The following LENG8 variants were observed in gnomAD, a reference collection of about 807,000 sequenced individuals.
LENG8 encodes the protein leukocyte receptor cluster (LRC) member 8.
In LENG8, 28 loss-of-function variants were observed where a neutral mutation model predicts 102.1. That is an observed-to-expected ratio of 0.27 (90% CI 0.20 to 0.38). The LOEUF is 0.38. LENG8 is among the 10% of genes least tolerant of loss of function. The pLI is 1.00. For synonymous variants in LENG8, 531 were observed against 456.7 expected, an observed-to-expected ratio of 1.16 and a Z score of -2.07; for missense variants, 1,022 against 1,113.9, an observed-to-expected ratio of 0.92 and a Z score of 1.17.
intron 11 of LENG8, among the ~76,000 whole-genome samples, chr19:54,457,148 C>T (rs893688945): frequency 5.3e-5 from 8 of 152,378 alleles, no homozygotes; most frequent in African/African-American, 1.9e-4. Context: ...ATCGCTTGAC[C>T]TCTGGGCCGT....
chr19:54,460,014 GTCTGTCATTGACCTCATTGTGTCA>G (rs1360292375), intron 15 of LENG8: 1 of 1,260,276 alleles, frequency 7.9e-7, no homozygotes, highest in African/African-American at 1.5e-5. Context: ...TGGGGCGCCA[GTCTGTCATTGACCTCATTGTGTCA>G]GCACCTTCCC....
intron 15 of LENG8, 170 bp from the exon 16 acceptor site, chr19:54,460,596 G>GCC: frequency 2.2e-6 from 3 of 1,386,748 alleles, no homozygotes; most frequent in Non-Finnish European, 1.9e-6. Flanking sequence ...CCCCCCCCGG[G>GCC]CCCCCCCCGA....
intron 8 of LENG8, 67 bp downstream of exon 8, chr19:54,455,634 T>C (rs905094572): frequency 7.1e-7 from 1 of 1,410,366 alleles, no homozygotes; most frequent in African/African-American, 1.4e-5. Flanking sequence ...GGTATGGAGG[T>C]AGGAGAGTTG....
Position 54,456,198 on chromosome 19 carries a change from C to G in LENG8, c.1257C>G (p.Ser419=). Residue 419 remains serine, a synonymous_variant, in exon 9 of 16, where the codon TCC becomes TCG. Transcript: ENST00000326764. Reference sequence around the variant, plus strand: ...ACAGCTCTTCTTCCAGCACAGACTCCCGCTCCCGCTCCTCCTCCAGGTCCC... The same window carrying G: ...ACAGCTCTTCTTCCAGCACAGACTCGCGCTCCCGCTCCTCCTCCAGGTCCC... ...KDNSSSSSTD[S]RSRSSSRSPT... is the part of the protein sequence containing the mutation. 6.2e-7 allele frequency: 1 copy of G among 1,611,462 alleles called. No individual in the cohort carries two copies. Among genetic ancestry groups the G allele is most frequent in the Non-Finnish European group, 8.5e-7 (1 of 1,178,400 alleles).
intron 1 of LENG8, 159 bp downstream of exon 1, chr19:54,449,469 ACCGGG>A (rs1412590769): frequency 6.6e-6 from 1 of 152,014 alleles, no homozygotes; most frequent in Non-Finnish European, 1.5e-5. Context: ...GCGCCTGCGC[ACCGGG>A]CCTGGGGCCG....
rs1235639964 is a variant in LENG8, at chr19:54,456,408, G to A, written c.1388G>A (p.Arg463Gln). The A allele has an allele frequency of 7.5e-6, 12 of 1,610,726 alleles. No individual in the cohort carries two copies. Among genetic ancestry groups the A allele is most frequent in the Non-Finnish European group, 1.0e-5 (12 of 1,179,870 alleles). The change falls in exon 10 of 16, where the codon CGG becomes CAG. Residue 463 changes from arginine (R) to glutamine (Q), a missense_variant. This residue lies in a region of LENG8 where 326 missense variants were observed against 324.5 expected (regional missense o/e 1.00). Coordinates refer to ENST00000326764, the MANE Select transcript of LENG8 (RefSeq NM_052925.4). Reference sequence around the variant, plus strand: ...CGCAGGAACCCGCCCCCTAAGGGCCGGGGCGGTCGAGGGGCCCATATGGAT... The same window carrying A: ...CGCAGGAACCCGCCCCCTAAGGGCCAGGGCGGTCGAGGGGCCCATATGGAT... ...VGRRNPPPKG[R>Q]GGRGAHMDRG...
At position 54,454,517 on chromosome 19, in the gene LENG8, C is replaced by A. The variant is rs760890535; in HGVS notation, c.514C>A (p.Pro172Thr). 40 of 1,613,818 alleles carry A rather than the reference C, an allele frequency of 2.5e-5. No homozygotes were observed. The highest frequency in any genetic ancestry group is 3.3e-5 in the Admixed American group (2 of 60,000). Residue 172 changes from proline to threonine, a missense_variant, in exon 6 of 16, where the codon CCC becomes ACC. Pro to Thr is a conservative substitution (Grantham distance 38, BLOSUM62 -1). This residue lies in a region of LENG8 where 343 missense variants were observed against 320.2 expected (regional missense o/e 1.07). Transcript: ENST00000326764. ...PSAQPPQPSN[P>T]PHGAHTLNSG... Reference sequence around the variant, plus strand: ...GGCTCAGCCCCCTCAGCCCTCAAATCCCCCACATGGGGCTCACACGCTGAA... The same window carrying A: ...GGCTCAGCCCCCTCAGCCCTCAAATACCCCACATGGGGCTCACACGCTGAA...
intron 8 of LENG8, 105 bp downstream of exon 8, chr19:54,455,672 G>A (rs1430464765): frequency 8.8e-7 from 1 of 1,139,882 alleles, no homozygotes; most frequent in African/African-American, 1.5e-5. Context: ...GAGCTCCAAA[G>A]AGAAATGAAC....
chr19:54,458,054 C>G (rs1421209767), intron 13 of LENG8, 49 bp from the exon 14 acceptor site: 2 of 1,612,110 alleles, frequency 1.2e-6, no homozygotes, highest in African/African-American at 1.3e-5. Context: ...GCCGTTCTGC[C>G]CTCAGCACCC....
intron 15 of LENG8, chr19:54,459,939 T>C: frequency 1.7e-6 from 2 of 1,201,482 alleles, no homozygotes; most frequent in South Asian, 2.9e-5. Context: ...GTTGGGCGAG[T>C]GTCCTTGTTA....
Position 54,456,637 on chromosome 19 carries a change from C to A in LENG8, c.1447C>A (p.His483Asn). The A allele has an allele frequency of 1.9e-6, 3 of 1,607,808 alleles. No individual in the cohort carries two copies. Among genetic ancestry groups the A allele is most frequent in the Non-Finnish European group, 2.6e-6 (3 of 1,176,472 alleles). Residue 483 changes from histidine to asparagine, a missense_variant and splice_region_variant, in exon 11 of 16, where the codon CAC (histidine) becomes AAC (asparagine). By Grantham distance (68) the His-to-Asn change is moderately conservative (BLOSUM62 1). Around this residue, in one of 7 missense-constraint regions of LENG8, gnomAD observed 326 missense variants for 324.5 expected, o/e 1.00. Coordinates refer to ENST00000326764, the MANE Select transcript of LENG8 (RefSeq NM_052925.4). ...TCACTGCCCCTCATCCCTTCCTAGG[C>A]ACGATCTGGCGCCCACCAAGCGCAG... ...GRGRAQRGKRHDLAPTKRSRK... is the reference protein window; with the variant it reads ...GRGRAQRGKRNDLAPTKRSRK...
In LENG8 at chr19:54,460,876, A is replaced by T. The variant is rs1454949990; in HGVS notation, c.2351A>T (p.Asp784Val). 2.6e-6 allele frequency: 4 copies of T among 1,560,610 alleles called. No individual in the cohort carries two copies. The highest frequency in any genetic ancestry group is 1.4e-5 in the African/African-American group (1 of 73,434). ...EPLGLAYTGPDNSSIDCRLSL... is the reference protein window; with the variant it reads ...EPLGLAYTGPVNSSIDCRLSL... ...CTGGGCCTGGCCTACACGGGCCCGG[A>T]CAACTCCAGCATCGACTGCCGCCTC... Residue 784 changes from aspartate (D) to valine (V), a missense_variant, in exon 16 of 16, where the codon GAC becomes GTC. Physicochemically the swap from Asp to Val is radical, Grantham distance 152. Transcript: ENST00000326764.
chr19:54,457,581 T>A (rs2084316774), intron 11 of LENG8, among the ~76,000 whole-genome samples, 166 bp from the exon 12 acceptor site: 2 of 152,120 alleles, frequency 1.3e-5, no homozygotes, highest in African/African-American at 4.8e-5. Context: ...CCTCAGATGA[T>A]CCACACACCT....
At position 54,461,501 on chromosome 19, in the gene LENG8, C is replaced by T. The variant is rs1236141923; in HGVS notation, c.*573C>T. 1 of 468,684 alleles carries T rather than the reference C, an allele frequency of 2.1e-6. No homozygotes were observed. The highest frequency in any genetic ancestry group is 1.6e-5 in the South Asian group (1 of 64,380). 29.0% of individuals were successfully genotyped at this position (468,684 alleles called of 1,614,324 possible). On this transcript the variant is annotated 3_prime_UTR_variant, in exon 16 of 16. Transcript: ENST00000326764. ...CCCCACCCTGAAGTGCCAGCACCAC[C>T]AGCACCAGATCCTCCGCCGCCACAC... is the stretch of plus-strand genomic sequence containing the variant.
intron 4 of LENG8, 144 bp from the exon 5 acceptor site, chr19:54,453,402 G>T (rs1005135633): frequency 1.6e-6 from 1 of 623,234 alleles, no homozygotes; most frequent in Middle Eastern, 4.2e-4. Flanking sequence ...CCTAATATAT[G>T]AGAGGATGTG....
intron 15 of LENG8, chr19:54,459,357 C>T: frequency 3.0e-6 from 3 of 998,464 alleles, no homozygotes; most frequent in Non-Finnish European, 3.6e-6. Flanking sequence ...GGCCAGGTGG[C>T]TGTCCACGTG....
At position 54,456,369 on chromosome 19, in the gene LENG8, G is replaced by A. The variant is rs769061248; in HGVS notation, c.1349G>A (p.Cys450Tyr). ...GACAGCTCCTACTCAGGGAATGAGT[G>A]TCACCCTGTGGGCCGCAGGAACCCG... ...DSDSSYSGNE[C>Y]HPVGRRNPPP... Residue 450 changes from cysteine to tyrosine, a missense_variant, in exon 10 of 16, where the codon TGT (cysteine) becomes TAT (tyrosine). Physicochemically the swap from Cys to Tyr is radical, Grantham distance 194. Around this residue, in one of 7 missense-constraint regions of LENG8, gnomAD observed 326 missense variants for 324.5 expected, o/e 1.00. Transcript: ENST00000326764. 1 of 1,613,264 alleles carries A rather than the reference G, an allele frequency of 6.2e-7. No homozygotes were observed. Among genetic ancestry groups the A allele is most frequent in the South Asian group, 1.1e-5 (1 of 91,088 alleles).
chr19:54,455,710 G>T, intron 8 of LENG8, 143 bp downstream of exon 8: 1 of 880,014 alleles, frequency 1.1e-6, no homozygotes, highest in Non-Finnish European at 1.7e-6. Context: ...GGGGGATGAA[G>T]TCCTGGTTGG....
intron 1 of LENG8, among the ~76,000 whole-genome samples, chr19:54,450,618 C>CTTTTT (rs750997555): frequency 1.8e-5 from 2 of 108,838 alleles, no homozygotes; most frequent in Non-Finnish European, 3.7e-5. Flanking sequence ...TACTCCCTAG[C>CTTTTT]TTTTTTTTTT....
Sources: gnomAD v4.1 joint callset for allele counts (sites outside exome capture counted in the v4.1 genomes callset) on GRCh38, gnomAD v4.1.1 for gene constraint, gnomAD v4.1.1 regional missense constraint, MANE v1.5 for transcripts, NCBI Gene and HGNC (gene_info 2026-07-23, HGNC 2026-07-21) for gene names.